ANKS1B: variants seen among roughly 807,000 people sequenced by gnomAD.
ANKS1B encodes ankyrin repeat and sterile alpha motif domain-containing protein 1B.
ANKS1B carries 36 observed loss-of-function variants against 148.3 expected under a neutral mutation model. That is an observed-to-expected ratio of 0.24 (90% confidence interval 0.19 to 0.32). ANKS1B has a LOEUF of 0.32. Ranked by LOEUF, ANKS1B falls within the 10% of genes least tolerant of loss-of-function variation. The pLI is 1.00. For missense variants in ANKS1B, 1,157 were observed against 1,542.6 expected (o/e 0.75, Z 4.19); for synonymous variants, 542 against 560.8 (o/e 0.97, Z 0.47).
intron 11 of ANKS1B, among the ~76,000 whole-genome samples, chr12:99,432,373 T>C (rs1367299596): frequency 6.6e-6 from 1 of 152,170 alleles, no homozygotes; most frequent in African/African-American, 2.4e-5. Context: ...CCAACTATTC[T>C]TAATTAATTC....
At chr12:99,322,271 G>GT (rs2152176369) in intron 12 of ANKS1B, among the ~76,000 whole-genome samples, 1 of 152,104 alleles carries the variant, frequency 6.6e-6, no homozygotes, top group African/African-American at 2.4e-5. Flanking sequence ...ACCAAACACT[G>GT]TATGTTCTCA....
At position 98,745,164 on chromosome 12, in the gene ANKS1B, A is replaced by T; in HGVS notation, c.*575T>A. 1 of 985,846 alleles carries T rather than the reference A, an allele frequency of 1.0e-6. No individual in the cohort carries two copies. The highest frequency in any genetic ancestry group is 1.2e-6 in the Non-Finnish European group (1 of 829,932). 61.1% of individuals were successfully genotyped at this position (985,846 alleles called of 1,614,324 possible). ...CTTTCTCTGACATAGGTGATTACAT[A>T]TAAAATCCACAAATATAGAAATGGG... On this transcript the variant is annotated 3_prime_UTR_variant, in exon 27 of 27. Coordinates refer to ENST00000683438, the MANE Select transcript of ANKS1B (RefSeq NM_001352186.2).
At position 99,858,050 on chromosome 12, in the gene ANKS1B, CA is replaced by C. The variant is rs574034496; in HGVS notation, c.135-32662del. Among the ~76,000 whole-genome samples, 420 of 151,996 alleles carry C rather than the reference CA, an allele frequency of 2.8e-3. 1 individual carries two copies. Among genetic ancestry groups the C allele is most frequent in the Non-Finnish European group, 4.9e-3 (335 of 67,896 alleles). Reference sequence around the variant, plus strand: ...ACAAATAGATGGGACTTAATTAAACCAAAAAGCTTCTGCACAGCAAAAAAGA... The same window carrying C: ...ACAAATAGATGGGACTTAATTAAACCAAAAGCTTCTGCACAGCAAAAAAGA... On this transcript the variant is annotated intron_variant, in intron 1 of 26. Coordinates refer to ENST00000683438, the MANE Select transcript of ANKS1B (RefSeq NM_001352186.2).
intron 1 of ANKS1B, among the ~76,000 whole-genome samples, chr12:99,981,591 T>A (rs984668433): frequency 1.3e-5 from 2 of 152,150 alleles, no homozygotes; most frequent in Admixed American, 1.3e-4. Context: ...TAAAACAGAT[T>A]CAATGAATGA....
chr12:99,838,643 A>G (rs937337557), intron 1 of ANKS1B, among the ~76,000 whole-genome samples: 4 of 152,116 alleles, frequency 2.6e-5, no homozygotes, highest in African/African-American at 9.7e-5. Context: ...AAATCATTCT[A>G]TCTTTCTTTA....
intron 4 of ANKS1B, among the ~76,000 whole-genome samples, chr12:99,791,058 G>C (rs907568389): frequency 4.6e-5 from 7 of 151,882 alleles, no homozygotes; most frequent in Non-Finnish European, 8.8e-5. Context: ...GATACACACA[G>C]ATTAAAAATA....
intron 17 of ANKS1B, among the ~76,000 whole-genome samples, chr12:98,876,479 T>C (rs1261669032): frequency 2.6e-5 from 4 of 152,220 alleles, no homozygotes; most frequent in African/African-American, 4.8e-5. Flanking sequence ...ACAAAGTGCA[T>C]TGGTGTCTGT....
intron 3 of ANKS1B, among the ~76,000 whole-genome samples, chr12:99,807,180 T>C (rs747104965): frequency 6.6e-6 from 1 of 152,358 alleles, no homozygotes; most frequent in South Asian, 2.1e-4. Flanking sequence ...TTATTTTCCA[T>C]GTAAGTACAA....
chr12:99,361,397 G>A (rs571698790), intron 12 of ANKS1B, among the ~76,000 whole-genome samples: 9 of 152,124 alleles, frequency 5.9e-5, no homozygotes, highest in South Asian at 2.1e-4. Context: ...CATTTCAAAC[G>A]CTTTATTAAG....
intron 11 of ANKS1B, among the ~76,000 whole-genome samples, chr12:99,422,329 A>G (rs2095113669): frequency 6.6e-6 from 1 of 152,212 alleles, no homozygotes; most frequent in Non-Finnish European, 1.5e-5. Context: ...ACTAAAAGAT[A>G]GATGCCATTC....
rs1386144060 is a variant in ANKS1B at position 99,066,586 on chromosome 12, A to G, written c.2626-13277T>C. ...AATGGGGAGTCAGGGTATGCATTTGAGCAGAGTTGTGACATGATCTGGCTT... is the reference window on the plus strand; with the variant it reads ...AATGGGGAGTCAGGGTATGCATTTGGGCAGAGTTGTGACATGATCTGGCTT... On this transcript the variant is annotated intron_variant, in intron 16 of 26. Transcript: ENST00000683438. 2.0e-5 allele frequency among the ~76,000 whole-genome samples: 3 copies of G among 152,132 alleles called. 1 individual carries two copies. Among genetic ancestry groups the G allele is most frequent in the African/African-American group, 7.2e-5 (3 of 41,422 alleles).
chr12:99,314,958 C>T (rs901977219), intron 12 of ANKS1B, among the ~76,000 whole-genome samples: 10 of 152,186 alleles, frequency 6.6e-5, no homozygotes, highest in African/African-American at 2.4e-4. Context: ...AAAGAAACTA[C>T]CATTGGCTGG....
At chr12:99,482,372 G>A (rs2096425369) in intron 10 of ANKS1B, among the ~76,000 whole-genome samples, 1 of 151,922 alleles carries the variant, frequency 6.6e-6, no homozygotes, top group South Asian at 2.1e-4. Flanking sequence ...TCTCTATTCT[G>A]TTCCATTTGT....
intron 12 of ANKS1B, among the ~76,000 whole-genome samples, chr12:99,343,090 G>A (rs1461296191): frequency 6.6e-6 from 1 of 151,904 alleles, no homozygotes; most frequent in Non-Finnish European, 1.5e-5. Flanking sequence ...CCAAATACAA[G>A]TTTTCAAATC....
chr12:99,746,757 G>A (rs1451200665), intron 8 of ANKS1B, among the ~76,000 whole-genome samples: 1 of 152,076 alleles, frequency 6.6e-6, no homozygotes, highest in African/African-American at 2.4e-5. Flanking sequence ...TCCCATCTGG[G>A]CATAGTCTTA....
At chr12:99,428,433 C>G (rs142823229) in intron 11 of ANKS1B, among the ~76,000 whole-genome samples, 1 of 152,196 alleles carries the variant, frequency 6.6e-6, no homozygotes, top group South Asian at 2.1e-4. Context: ...GAATCAGGAC[C>G]TGATATAATA....
intron 23 of ANKS1B, 39 bp downstream of exon 23, chr12:98,782,087 T>C (rs372904879): frequency 5.1e-6 from 8 of 1,562,400 alleles, no homozygotes; most frequent in Non-Finnish European, 7.0e-6. Context: ...CCTCTATATA[T>C]ACTAGTAATA....
At chr12:99,702,402 T>G (rs1343888104) in intron 8 of ANKS1B, among the ~76,000 whole-genome samples, 2 of 152,172 alleles carry the variant, frequency 1.3e-5, no homozygotes, top group Admixed American at 1.3e-4. Flanking sequence ...ATCTTTTTCC[T>G]GTTGAGTTGT....
intron 11 of ANKS1B, among the ~76,000 whole-genome samples, chr12:99,435,323 G>C (rs1433048823): frequency 6.6e-6 from 1 of 152,048 alleles, no homozygotes; most frequent in Non-Finnish European, 1.5e-5. Context: ...TCTAAAGAAT[G>C]AGATGCTTGA....
Sources: allele counts gnomAD v4.1 joint callset (sites outside exome capture counted in the v4.1 genomes callset), GRCh38; gene constraint gnomAD v4.1.1; transcripts MANE v1.5; gene names NCBI Gene and HGNC (gene_info 2026-07-23, HGNC 2026-07-21).